Variants in STXBP5 observed in about 807,000 individuals in gnomAD.
STXBP5 encodes syntaxin binding protein 5.
Under a neutral mutation model 152.4 loss-of-function variants are expected in STXBP5, and 50 were observed. That is an observed-to-expected ratio of 0.33 (90% CI 0.26 to 0.42). The LOEUF (loss-of-function observed/expected upper bound fraction) is 0.42. Ranked by LOEUF, STXBP5 falls within the 10% of genes least tolerant of loss-of-function variation. The pLI, the probability that STXBP5 is intolerant of heterozygous loss-of-function variation, is 1.00. For missense variants in STXBP5, 1,167 were observed against 1,388.6 expected (o/e 0.84, Z 2.54); for synonymous variants, 492 against 494.7 (o/e 0.99, Z 0.07).
At chr6:147,230,903 A>G (rs1408901993) in intron 2 of STXBP5, among the ~76,000 whole-genome samples, 1 of 151,814 alleles carries the variant, frequency 6.6e-6, no homozygotes. Flanking sequence ...AATTGACACA[A>G]CTTAAGTGTT....
At chr6:147,355,014 T>A (rs1407064959) in intron 22 of STXBP5, among the ~76,000 whole-genome samples, 1 of 152,196 alleles carries the variant, frequency 6.6e-6, no homozygotes, top group African/African-American at 2.4e-5. Context: ...CTGAGGCCAA[T>A]GAGCTGTTGT....
intron 9 of STXBP5, among the ~76,000 whole-genome samples, chr6:147,309,664 C>A (rs922395326): frequency 2.0e-5 from 3 of 151,778 alleles, no homozygotes; most frequent in African/African-American, 7.3e-5. Flanking sequence ...ATTCTTGATG[C>A]GTTCTTGAGA....
chr6:147,353,022 T>C (rs887627600), intron 21 of STXBP5, among the ~76,000 whole-genome samples: 10 of 151,998 alleles, frequency 6.6e-5, no homozygotes, highest in Non-Finnish European at 1.3e-4. Context: ...TACATGCCTG[T>C]AGTTCCAGCT....
At chr6:147,269,555 A>T (rs1055332152) in intron 7 of STXBP5, among the ~76,000 whole-genome samples, 1 of 152,220 alleles carries the variant, frequency 6.6e-6, no homozygotes, top group African/African-American at 2.4e-5. Context: ...CTCAGAAATG[A>T]CAAGATGATA....
At chr6:147,343,049 A>G (rs1784162903) in intron 21 of STXBP5, among the ~76,000 whole-genome samples, 1 of 152,116 alleles carries the variant, frequency 6.6e-6, no homozygotes, top group South Asian at 2.1e-4. Context: ...AATACCAAGG[A>G]TAAAAAATAA....
intron 9 of STXBP5, among the ~76,000 whole-genome samples, chr6:147,300,733 A>G (rs1024379506): frequency 5.9e-5 from 9 of 152,104 alleles, no homozygotes; most frequent in African/African-American, 2.2e-4. Context: ...GCTTCACGAT[A>G]TGGGACTGGG....
At chr6:147,367,205 C>T (rs1785329184) in intron 25 of STXBP5, among the ~76,000 whole-genome samples, 1 of 152,078 alleles carries the variant, frequency 6.6e-6, no homozygotes, top group Non-Finnish European at 1.5e-5. Context: ...TTTGACATTA[C>T]AGAAGAAAAG....
In STXBP5 at chr6:147,253,539, A is replaced by G. The variant is rs146827827; in HGVS notation, c.432-7076A>G. On this transcript the variant is annotated intron_variant, in intron 4 of 27. Coordinates refer to ENST00000321680, the MANE Select transcript of STXBP5 (RefSeq NM_001127715.4). ...TTGTCTCTGTAGACGACATGATTCT[A>G]TATTTAGAAAACCCCATCGTCTCAG... 5.3e-5 allele frequency among the ~76,000 whole-genome samples: 8 copies of G among 152,314 alleles called. No homozygotes were observed. In the East Asian group the frequency reaches 7.7e-4, roughly 15 times the overall value.
chr6:147,278,704 A>G (rs1034945685), intron 8 of STXBP5, among the ~76,000 whole-genome samples: 10 of 152,190 alleles, frequency 6.6e-5, no homozygotes, highest in Non-Finnish European at 1.5e-4. Flanking sequence ...ATATAGTCAT[A>G]TTCATTGCTG....
At chr6:147,313,605 C>T (rs545559658) in intron 11 of STXBP5, among the ~76,000 whole-genome samples, 2 of 152,100 alleles carry the variant, frequency 1.3e-5, no homozygotes, top group Admixed American at 6.5e-5. Context: ...ATGCCTATGT[C>T]GTAAGTTTGG....
intron 8 of STXBP5, among the ~76,000 whole-genome samples, chr6:147,279,945 C>T (rs908184034): frequency 6.6e-6 from 1 of 152,082 alleles, no homozygotes; most frequent in Non-Finnish European, 1.5e-5. Context: ...AGTTTTGCAG[C>T]TTGAAGATTA....
intron 2 of STXBP5, among the ~76,000 whole-genome samples, chr6:147,214,681 T>C (rs1016771133): frequency 5.3e-5 from 8 of 152,238 alleles, no homozygotes; most frequent in African/African-American, 1.9e-4. Flanking sequence ...ATAAGTAATA[T>C]GTGACATTAA....
intron 8 of STXBP5, among the ~76,000 whole-genome samples, chr6:147,290,316 A>G (rs1781214760): frequency 6.6e-6 from 1 of 152,218 alleles, no homozygotes; most frequent in African/African-American, 2.4e-5. Flanking sequence ...GACAAGTGCT[A>G]TGGAGAAAAA....
intron 2 of STXBP5, among the ~76,000 whole-genome samples, chr6:147,214,816 C>T (rs562191456): frequency 6.6e-6 from 1 of 152,264 alleles, no homozygotes; most frequent in East Asian, 1.9e-4. Flanking sequence ...TAATGCAAAT[C>T]AGCAAAATCA....
intron 4 of STXBP5, among the ~76,000 whole-genome samples, chr6:147,249,399 T>TA (rs1287542871): frequency 6.6e-6 from 1 of 152,160 alleles, no homozygotes; most frequent in Non-Finnish European, 1.5e-5. Context: ...GAAAAGCACA[T>TA]ACTGCCCAAA....
At chr6:147,354,657 A>G (rs531815511) in intron 22 of STXBP5, among the ~76,000 whole-genome samples, 1 of 152,278 alleles carries the variant, frequency 6.6e-6, no homozygotes, top group South Asian at 2.1e-4. Flanking sequence ...ACATGTAAAT[A>G]TACTTTTAAA....
At chr6:147,245,206 T>A (rs1778753678) in intron 4 of STXBP5, among the ~76,000 whole-genome samples, 1 of 151,872 alleles carries the variant, frequency 6.6e-6, no homozygotes, top group Non-Finnish European at 1.5e-5. Flanking sequence ...CATTCTTGGG[T>A]ACTGGGGGGT....
At chr6:147,264,875 C>G (rs1157792226) in intron 6 of STXBP5, among the ~76,000 whole-genome samples, 1 of 151,918 alleles carries the variant, frequency 6.6e-6, no homozygotes, top group Non-Finnish European at 1.5e-5. Flanking sequence ...TTTCTAATAT[C>G]CTTAGAATAC....
chr6:147,214,814 A>G (rs2115051860), intron 2 of STXBP5, among the ~76,000 whole-genome samples: 1 of 152,342 alleles, frequency 6.6e-6, no homozygotes, highest in Admixed American at 6.5e-5. Flanking sequence ...AGTAATGCAA[A>G]TCAGCAAAAT....
Sources: allele counts gnomAD v4.1 joint callset (sites outside exome capture counted in the v4.1 genomes callset), GRCh38; gene constraint gnomAD v4.1.1; transcripts MANE v1.5; gene names NCBI Gene and HGNC (gene_info 2026-07-23, HGNC 2026-07-21).